Variants in MRTFA observed in about 807,000 individuals in gnomAD.
The protein encoded by MRTFA is myocardin-related transcription factor A.
MRTFA carries 20 observed loss-of-function variants against 83.5 expected under a neutral mutation model. The observed-to-expected ratio is 0.24, with a 90% CI of 0.17 to 0.35. The LOEUF is 0.35. MRTFA is among the 10% of genes least tolerant of loss of function. The pLI is 1.00. For missense variants in MRTFA, 1,200 were observed against 1,224.7 expected (o/e 0.98, Z 0.30); for synonymous variants, 659 against 541.2 (o/e 1.22, Z -3.02).
rs1196960155 is a variant in MRTFA at position 40,602,420 on chromosome 22, A to AC, written c.-83-7686dup. On this transcript the variant is annotated intron_variant, in intron 1 of 14. Coordinates refer to ENST00000355630, the MANE Select transcript of MRTFA (RefSeq NM_020831.6). ...TGCCAAGAATGAACTTGGGATCACC[A>AC]CATCCACCATCTGCCAATATTACAA... Among the ~76,000 whole-genome samples, 3 of 152,220 alleles carry AC rather than the reference A, an allele frequency of 2.0e-5. No individual in the cohort carries two copies. The East Asian group carries it at 5.8e-4, about 29-fold the overall frequency.
In MRTFA at chr22:40,416,831, G is replaced by A; in HGVS notation, c.2578+155C>T. ...TCCCTGGTCCTCTCGCCCAGGCCTT[G>A]GAGACGGGAGGGCTCACAGCCACCA... is the stretch of plus-strand genomic sequence containing the variant. On this transcript the variant is annotated intron_variant, in intron 14 of 14. Transcript: ENST00000355630. The surrounding 1 kb of genome is among the most constrained non-coding windows in gnomAD (Gnocchi z 4.2). 1.4e-6 allele frequency: 1 copy of A among 709,210 alleles called. No homozygotes were observed. Among genetic ancestry groups the A allele is most frequent in the South Asian group, 1.9e-5 (1 of 53,546 alleles). The allele number at this position is 709,210 out of a possible 1,614,324, so 43.9% of individuals were successfully genotyped here.
intron 4 of MRTFA, among the ~76,000 whole-genome samples, chr22:40,459,818 CACACATAT>C (rs2053667765): frequency 1.1e-5 from 1 of 90,210 alleles, no homozygotes; most frequent in African/African-American, 5.1e-5. Context: ...CACACACACA[CACACATAT>C]ATACATATAT....
chr22:40,618,143 C>T (rs192736926), intron 1 of MRTFA, among the ~76,000 whole-genome samples: 6 of 151,454 alleles, frequency 4.0e-5, no homozygotes, highest in Admixed American at 1.3e-4. Flanking sequence ...GGCACAATCT[C>T]GGCTCACTGC....
In MRTFA at chr22:40,523,976, GGAAAAACA is replaced by G. The variant is rs374310962; in HGVS notation, c.241+28122_241+28129del. 3.6e-3 allele frequency among the ~76,000 whole-genome samples: 550 copies of G among 152,130 alleles called. 4 individuals are homozygous for G. Among genetic ancestry groups the G allele is most frequent in the African/African-American group, 0.012 (517 of 41,490 alleles). ...TAGTTCCTCAAGATCCTATTTGCAA[GGAAAAACA>G]GAAAAACAGAAAATCAGAAAGATAC... On this transcript the variant is annotated intron_variant, in intron 3 of 14. Coordinates refer to ENST00000355630, the MANE Select transcript of MRTFA (RefSeq NM_020831.6).
At chr22:40,505,560 C>G (rs747467376) in intron 3 of MRTFA, among the ~76,000 whole-genome samples, 5 of 152,100 alleles carry the variant, frequency 3.3e-5, no homozygotes, top group Non-Finnish European at 5.9e-5. Context: ...TGAATATGTC[C>G]CCTCCAAAAT....
At chr22:40,622,267 G>A (rs2056532392) in intron 1 of MRTFA, among the ~76,000 whole-genome samples, 1 of 152,002 alleles carries the variant, frequency 6.6e-6, no homozygotes, top group South Asian at 2.1e-4. Context: ...AGATCACGAG[G>A]TCAGGAGTTC....
intron 4 of MRTFA, among the ~76,000 whole-genome samples, chr22:40,452,552 A>G (rs902792467): frequency 2.0e-5 from 3 of 152,220 alleles, no homozygotes; most frequent in Non-Finnish European, 2.9e-5. Flanking sequence ...GCCAGGCACA[A>G]TGGCTCATGA....
intron 1 of MRTFA, among the ~76,000 whole-genome samples, chr22:40,613,682 C>T (rs2056413490): frequency 6.6e-6 from 1 of 151,752 alleles, no homozygotes; most frequent in African/African-American, 2.4e-5. Context: ...ACAGAGAGAC[C>T]CTGTCTCTAG....
At chr22:40,428,299 T>C (rs73887817) in intron 7 of MRTFA, among the ~76,000 whole-genome samples, 3,049 of 152,270 alleles carry the variant, frequency 0.02, 91 homozygotes, top group African/African-American at 0.069. Context: ...GTAAATGGCA[T>C]CTGAAAAGAA....
At chr22:40,629,209 C>G (rs1050810971) in intron 1 of MRTFA, among the ~76,000 whole-genome samples, 1 of 151,674 alleles carries the variant, frequency 6.6e-6, no homozygotes, top group South Asian at 2.1e-4. Context: ...TTTGGGAGGC[C>G]GAGGCGGGCG....
chr22:40,500,347 T>A (rs866909578), intron 3 of MRTFA, among the ~76,000 whole-genome samples: 48 of 28,150 alleles, frequency 1.7e-3, no homozygotes, highest in South Asian at 6.1e-3. Flanking sequence ...TTATTTTTTT[T>A]ATTTTTTTTT....
At position 40,411,525 on chromosome 22, in the gene MRTFA, G is replaced by T. The variant is rs1191428727; in HGVS notation, c.2961C>A (p.Ser987Arg). 1.9e-6 allele frequency: 3 copies of T among 1,613,074 alleles called. No homozygotes were observed. Among genetic ancestry groups the T allele is most frequent in the Non-Finnish European group, 2.5e-6 (3 of 1,179,398 alleles). ...CTGACGACAGCTCCAGCCAGTCCAT[G>T]CTGTCCAGGTGGCCATCAGCCAGGT... The change falls in exon 15 of 15, where the codon AGC becomes AGA. Residue 987 changes from serine to arginine, a missense_variant. Transcript: ENST00000355630.
At chr22:40,449,402 A>G (rs1048039592) in intron 4 of MRTFA, among the ~76,000 whole-genome samples, 2 of 152,188 alleles carry the variant, frequency 1.3e-5, no homozygotes, top group African/African-American at 2.4e-5. Flanking sequence ...GTGCCACACT[A>G]AAAATGAAAA....
intron 2 of MRTFA, among the ~76,000 whole-genome samples, chr22:40,580,715 T>C (rs1278655970): frequency 6.6e-6 from 1 of 152,200 alleles, no homozygotes; most frequent in African/African-American, 2.4e-5. Context: ...CTTCTTTTAA[T>C]CCACATCTTA....
chr22:40,472,834 A>G (rs891534684), intron 3 of MRTFA, among the ~76,000 whole-genome samples: 3 of 152,194 alleles, frequency 2.0e-5, no homozygotes, highest in Non-Finnish European at 4.4e-5. Flanking sequence ...AAATTCACAC[A>G]TAGCTCCTGG....
rs2052733538 is a variant in MRTFA, at chr22:40,418,359, C to T, written c.2364+15G>A. The T allele has an allele frequency of 1.9e-6, 3 of 1,611,998 alleles. No individual in the cohort carries two copies. The highest frequency in any genetic ancestry group is 2.2e-5 in the East Asian group (1 of 44,844). ...CTCCTCTGGGCCCTGCCCGGTTCCT[C>T]CCATACCCAGGTACCTGCTGGGGGC... On this transcript the variant is annotated intron_variant, in intron 12 of 14. Coordinates refer to ENST00000355630, the MANE Select transcript of MRTFA (RefSeq NM_020831.6).
At chr22:40,466,090 G>A (rs1039669624) in intron 3 of MRTFA, among the ~76,000 whole-genome samples, 2 of 152,210 alleles carry the variant, frequency 1.3e-5, no homozygotes, top group African/African-American at 4.8e-5. Context: ...TTTATTCTCT[G>A]GTGAGACAGA....
In MRTFA at chr22:40,575,043, T is replaced by G. The variant is rs537033505; in HGVS notation, c.-22+19631A>C. Among the ~76,000 whole-genome samples the G allele has an allele frequency of 2.0e-5, 3 of 152,360 alleles. No homozygotes were observed. The South Asian group carries it at 6.2e-4, about 32-fold the overall frequency. On this transcript the variant is annotated intron_variant, in intron 2 of 14. Transcript: ENST00000355630. ...TATTTACACACGAGGCAGTATTGTGTGTTAGAAAAGTAGCATGGGCTTAGG... is the reference window on the plus strand; with the variant it reads ...TATTTACACACGAGGCAGTATTGTGGGTTAGAAAAGTAGCATGGGCTTAGG...
chr22:40,533,994 GAGA>G (rs1330491074), intron 3 of MRTFA, among the ~76,000 whole-genome samples: 1 of 152,168 alleles, frequency 6.6e-6, no homozygotes, highest in African/African-American at 2.4e-5. Context: ...CTCTCAAGAA[GAGA>G]AGATGAGGTT....
Sources: allele counts gnomAD v4.1 joint callset (sites outside exome capture counted in the v4.1 genomes callset), GRCh38; gene constraint gnomAD v4.1.1; non-coding constraint Gnocchi (gnomAD v3.1); transcripts MANE v1.5; gene names NCBI Gene and HGNC (gene_info 2026-07-23, HGNC 2026-07-21).